Variants in CD55 observed in about 807,000 individuals in gnomAD.
The protein encoded by CD55 is complement decay-accelerating factor.
Under a neutral mutation model 45.8 loss-of-function variants are expected in CD55, and 41 were observed. That is an observed-to-expected ratio of 0.90 (90% CI 0.70 to 1.16). CD55 has a LOEUF of 1.16. CD55 is among the 50% of genes most tolerant of loss of function. CD55 has a pLI of 0.00. For missense variants in CD55, 416 were observed against 469.8 expected (o/e 0.89, Z 1.06); for synonymous variants, 181 against 181.1 (o/e 1.00, Z 0.01).
chr1:207,349,781 T>G (rs531696242), intron 9 of CD55, among the ~76,000 whole-genome samples: 2 of 152,292 alleles, frequency 1.3e-5, no homozygotes, highest in African/African-American at 4.8e-5. Flanking sequence ...CTATGGAGTA[T>G]TCTAGGTTTA....
At chr1:207,350,129 T>G (rs1655807294) in intron 9 of CD55, 1 of 454,830 alleles carries the variant, frequency 2.2e-6, no homozygotes, top group South Asian at 1.6e-5. Flanking sequence ...GTGGTTTTTT[T>G]GTTTGTAGTT....
intron 9 of CD55, among the ~76,000 whole-genome samples, chr1:207,359,157 T>C (rs915155431): frequency 2.6e-5 from 4 of 152,170 alleles, no homozygotes; most frequent in Non-Finnish European, 5.9e-5. Context: ...CTGTAAAACT[T>C]TCTGAGTGTC....
chr1:207,343,916 C>A (rs1655528607), intron 9 of CD55, among the ~76,000 whole-genome samples: 1 of 152,112 alleles, frequency 6.6e-6, no homozygotes, highest in Admixed American at 6.5e-5. Context: ...TATATAATGA[C>A]CTCCTTTGTC....
chr1:207,321,705 T>C lies in CD55; in HGVS notation c.-61T>C. ...GCTTACTGCAACTCGCTCCGGCCGC[T>C]GGGCGTAGCTGCGACTCGGCGGAGT... On this transcript the variant is annotated 5_prime_UTR_variant, in exon 1 of 10. Transcript: ENST00000367064. The C allele has an allele frequency of 7.9e-7, 1 of 1,273,592 alleles. No homozygotes were observed. The highest frequency in any genetic ancestry group is 1.1e-6 in the Non-Finnish European group (1 of 948,348). The allele number at this position is 1,273,592 out of a possible 1,614,324, so 78.9% of individuals were successfully genotyped here. A position where few individuals can be genotyped will look rare whatever the true frequency, so the allele number is the denominator to read the frequency against.
chr1:207,324,477 T>C (rs1040510254), intron 2 of CD55, 82 bp from the exon 3 acceptor site: 7 of 852,532 alleles, frequency 8.2e-6, no homozygotes, highest in Non-Finnish European at 1.1e-5. Flanking sequence ...AGGGGGTTAT[T>C]AGGGTCCAGA....
chr1:207,353,863 C>A (rs1655982754), intron 9 of CD55: 1 of 614,310 alleles, frequency 1.6e-6, no homozygotes. Context: ...TTTTTCAAAT[C>A]ATCTACGAAA....
intron 5 of CD55, among the ~76,000 whole-genome samples, chr1:207,328,196 T>C (rs1490385091): frequency 6.6e-6 from 1 of 152,196 alleles, no homozygotes; most frequent in Non-Finnish European, 1.5e-5. Flanking sequence ...CTGAATATTC[T>C]GATGTTCATG....
At position 207,359,817 on chromosome 1, in the gene CD55, G is replaced by GAA. The variant is rs1656226679; in HGVS notation, c.*210_*211dup. 2.3e-6 allele frequency: 1 copy of GAA among 434,132 alleles called. No individual in the cohort carries two copies. Among genetic ancestry groups the GAA allele is most frequent in the South Asian group, 8.6e-5 (1 of 11,674 alleles). The allele number at this position is 434,132 out of a possible 1,614,324, so 26.9% of individuals were successfully genotyped here. ...CATTCTTAGCACACCTACACCTCTT[G>GAA]AAAATAGAACAACTTGCAGAATTGA... is the stretch of plus-strand genomic sequence containing the variant. On this transcript the variant is annotated 3_prime_UTR_variant, in exon 10 of 10. Transcript: ENST00000367064.
intron 9 of CD55, 144 bp from the exon 10 acceptor site, chr1:207,359,402 C>T (rs1656199895): frequency 1.4e-6 from 1 of 701,076 alleles, no homozygotes; most frequent in South Asian, 2.1e-5. Context: ...TATTCTATTA[C>T]TCATTATTTT....
At chr1:207,334,663 T>C (rs1484354733) in intron 6 of CD55, among the ~76,000 whole-genome samples, 1 of 152,100 alleles carries the variant, frequency 6.6e-6, no homozygotes, top group Non-Finnish European at 1.5e-5. Context: ...AATATTGTGA[T>C]CTCTAGGGTT....
intron 2 of CD55, among the ~76,000 whole-genome samples, chr1:207,323,523 T>C (rs1654527135): frequency 6.6e-6 from 1 of 152,142 alleles, no homozygotes; most frequent in South Asian, 2.1e-4. Context: ...AAAATATATA[T>C]TGGCATTATC....
chr1:207,322,382 G>A lies in CD55; in HGVS notation c.101G>A (p.Gly34Asp). The part of the protein sequence containing the change: ...LVLLCLPAVW[G>D]DCGLPPDVPN... ...TTCAGTTCTGCTTTTGTCTCCCTAG[G>A]TGACTGTGGCCTTCCCCCAGATGTA... Residue 34 changes from glycine to aspartate, a missense_variant and splice_region_variant, in exon 2 of 10, where the codon GGT becomes GAT. Coordinates refer to ENST00000367064, the MANE Select transcript of CD55 (RefSeq NM_000574.5). 1 of 1,613,914 alleles carries A rather than the reference G, an allele frequency of 6.2e-7. No individual in the cohort carries two copies. Among genetic ancestry groups the A allele is most frequent in the Non-Finnish European group, 8.5e-7 (1 of 1,179,784 alleles).
At chr1:207,326,905 CCCT>C (rs1654712143) in intron 5 of CD55, 68 bp downstream of exon 5, 2 of 1,142,412 alleles carry the variant, frequency 1.8e-6, no homozygotes, top group African/African-American at 3.1e-5. Context: ...TAATTTCTGC[CCCT>C]TAAGAATATT....
chr1:207,340,632 G>T (rs568968420), intron 9 of CD55: 1 of 666,710 alleles, frequency 1.5e-6, no homozygotes, highest in Non-Finnish European at 2.7e-6. Flanking sequence ...CTCCCAAAAC[G>T]TTGCGATTAT....
intron 6 of CD55, among the ~76,000 whole-genome samples, chr1:207,334,689 C>T (rs28371619): frequency 0.021 from 3,156 of 152,020 alleles, 113 homozygotes; most frequent in African/African-American, 0.071. Flanking sequence ...AAATGAATGA[C>T]AGAAGAATAC....
intron 9 of CD55, among the ~76,000 whole-genome samples, chr1:207,350,847 T>C (rs28739012): frequency 4.6e-5 from 7 of 152,206 alleles, no homozygotes; most frequent in Admixed American, 2.0e-4. Context: ...CTCAATTTTA[T>C]TCAGTTCAGC....
intron 2 of CD55, among the ~76,000 whole-genome samples, 172 bp from the exon 3 acceptor site, chr1:207,324,387 G>A (rs1032809256): frequency 3.9e-5 from 6 of 151,938 alleles, no homozygotes; most frequent in African/African-American, 1.5e-4. Context: ...AAGTATACAT[G>A]TGAATACATT....
At chr1:207,350,025 A>G (rs1199933646) in intron 9 of CD55, 1 of 439,272 alleles carries the variant, frequency 2.3e-6, no homozygotes, top group East Asian at 7.5e-5. Context: ...ATTTTGTGGT[A>G]TGTTCCTTTG....
At chr1:207,332,378 T>A (rs186056467) in intron 6 of CD55, among the ~76,000 whole-genome samples, 2 of 152,288 alleles carry the variant, frequency 1.3e-5, no homozygotes, top group East Asian at 3.9e-4. Context: ...GCAAGTACAT[T>A]TGTACAATAA....
Sources: gnomAD v4.1 joint callset for allele counts (sites outside exome capture counted in the v4.1 genomes callset) on GRCh38, gnomAD v4.1.1 for gene constraint, MANE v1.5 for transcripts, NCBI Gene and HGNC (gene_info 2026-07-23, HGNC 2026-07-21) for gene names.